CFAP299: variants seen among roughly 807,000 people sequenced by gnomAD.
CFAP299 encodes the protein cilia and flagella associated protein 299.
Under a neutral mutation model 27.0 loss-of-function variants are expected in CFAP299, and 21 were observed. That is an observed-to-expected ratio of 0.78 (90% CI 0.55 to 1.12). The LOEUF is 1.12. CFAP299 is among the 50% of genes most tolerant of loss of function. The pLI is 0.00. For missense variants in CFAP299, 310 were observed against 276.6 expected, an observed-to-expected ratio of 1.12 and a Z score of -0.86; for synonymous variants, 104 against 98.1, an observed-to-expected ratio of 1.06 and a Z score of -0.36.
At chr4:80,773,821 T>C (rs918736273) in intron 3 of CFAP299, among the ~76,000 whole-genome samples, 2 of 151,986 alleles carry the variant, frequency 1.3e-5, no homozygotes, top group African/African-American at 4.8e-5. Context: ...GGTCAAAAGT[T>C]ATAAATTTTT....
intron 3 of CFAP299, among the ~76,000 whole-genome samples, chr4:80,620,248 G>T (rs979558482): frequency 2.0e-5 from 3 of 152,076 alleles, no homozygotes; most frequent in African/African-American, 4.8e-5. Flanking sequence ...GGGTTTCAGG[G>T]TTGCATGTAT....
intron 3 of CFAP299, among the ~76,000 whole-genome samples, chr4:80,789,568 T>G (rs1727435280): frequency 6.6e-6 from 1 of 152,108 alleles, no homozygotes; most frequent in Non-Finnish European, 1.5e-5. Flanking sequence ...TTCAATTACT[T>G]TCACATCTAT....
chr4:80,608,232 C>T (rs1737778080), intron 3 of CFAP299: 2 of 697,048 alleles, frequency 2.9e-6, no homozygotes, highest in South Asian at 4.4e-5. Context: ...TAACTGATTC[C>T]AACAGTACCA....
intron 2 of CFAP299, among the ~76,000 whole-genome samples, chr4:80,453,540 C>T (rs542595610): frequency 1.3e-5 from 2 of 151,848 alleles, no homozygotes; most frequent in African/African-American, 2.4e-5. Context: ...TTCAAATTAT[C>T]CCTTAAAAAT....
chr4:80,644,986 C>G (rs1739925001), intron 3 of CFAP299, among the ~76,000 whole-genome samples: 1 of 152,098 alleles, frequency 6.6e-6, no homozygotes, highest in Non-Finnish European at 1.5e-5. Flanking sequence ...AACCTAGCTT[C>G]TATGATGCAC....
At chr4:80,859,070 G>C (rs186771670) in intron 3 of CFAP299, among the ~76,000 whole-genome samples, 1,793 of 152,132 alleles carry the variant, frequency 0.012, 34 homozygotes, top group African/African-American at 0.039. Context: ...TCACTCAGGA[G>C]TTGCTTTGTG....
chr4:80,452,846 T>G (rs1184592405), intron 2 of CFAP299, among the ~76,000 whole-genome samples: 2 of 152,220 alleles, frequency 1.3e-5, no homozygotes, highest in African/African-American at 4.8e-5. Context: ...GATGTGAATT[T>G]AACTTAAAAC....
chr4:80,928,622 C>T (rs1039795191), intron 4 of CFAP299, among the ~76,000 whole-genome samples: 2 of 151,952 alleles, frequency 1.3e-5, no homozygotes, highest in African/African-American at 4.8e-5. Flanking sequence ...GTTGCCAAGA[C>T]CTTGCAGGAA....
intron 2 of CFAP299, among the ~76,000 whole-genome samples, chr4:80,382,570 C>G (rs185361555): frequency 6.6e-6 from 1 of 151,950 alleles, no homozygotes; most frequent in Non-Finnish European, 1.5e-5. Flanking sequence ...ATGTGGCCAA[C>G]AAGGATATGA....
At chr4:80,379,920 T>A (rs530314170) in intron 2 of CFAP299, among the ~76,000 whole-genome samples, 1 of 152,266 alleles carries the variant, frequency 6.6e-6, no homozygotes, top group African/African-American at 2.4e-5. Context: ...TTAAGCCAAG[T>A]TGCTTGATTG....
At chr4:80,842,057 C>T (rs961683979) in intron 3 of CFAP299, among the ~76,000 whole-genome samples, 1 of 152,068 alleles carries the variant, frequency 6.6e-6, no homozygotes, top group Non-Finnish European at 1.5e-5. Context: ...TACCGCTTCT[C>T]CTCCTTGAGT....
At chr4:80,614,247 G>T (rs1173809712) in intron 3 of CFAP299, among the ~76,000 whole-genome samples, 2 of 152,126 alleles carry the variant, frequency 1.3e-5, no homozygotes. Context: ...CGGCTACTTA[G>T]AATATTTTAA....
chr4:80,439,992 G>C (rs989301494), intron 2 of CFAP299, among the ~76,000 whole-genome samples: 6 of 152,194 alleles, frequency 3.9e-5, no homozygotes, highest in Non-Finnish European at 1.5e-5. Context: ...TAGTTAAGCT[G>C]TCTCTGTAGA....
At chr4:80,562,469 G>A (rs1011627894) in intron 2 of CFAP299, among the ~76,000 whole-genome samples, 29 of 151,448 alleles carry the variant, frequency 1.9e-4, no homozygotes, top group Non-Finnish European at 4.1e-4. Context: ...GTAGTGGCGG[G>A]TGCCCGTAAT....
At chr4:80,678,002 A>G (rs908727759) in intron 3 of CFAP299, among the ~76,000 whole-genome samples, 4 of 152,130 alleles carry the variant, frequency 2.6e-5, no homozygotes, top group African/African-American at 9.6e-5. Flanking sequence ...GGAAATCCCC[A>G]TTTCAGTAAA....
chr4:80,892,832 C>T (rs1279899041), intron 4 of CFAP299, among the ~76,000 whole-genome samples: 1 of 152,002 alleles, frequency 6.6e-6, no homozygotes, highest in African/African-American at 2.4e-5. Context: ...CAAGAATGCT[C>T]ACTCACAGCG....
chr4:80,727,186 A>G (rs1033029644), intron 3 of CFAP299, among the ~76,000 whole-genome samples: 2 of 152,110 alleles, frequency 1.3e-5, no homozygotes, highest in Non-Finnish European at 2.9e-5. Context: ...TCAGCTCACT[A>G]GTAAAATATG....
intron 3 of CFAP299, among the ~76,000 whole-genome samples, chr4:80,678,767 G>A (rs1719639278): frequency 6.6e-6 from 1 of 151,868 alleles, no homozygotes. Flanking sequence ...AAATAAGTAT[G>A]GACTAGAGAA....
At chr4:80,605,178 A>G (rs1737590049) in intron 3 of CFAP299, among the ~76,000 whole-genome samples, 1 of 152,192 alleles carries the variant, frequency 6.6e-6, no homozygotes, top group African/African-American at 2.4e-5. Context: ...TCATGCTGAA[A>G]TAATTTATTC....
Sources: allele counts gnomAD v4.1 joint callset (sites outside exome capture counted in the v4.1 genomes callset), GRCh38; gene constraint gnomAD v4.1.1; transcripts MANE v1.5; gene names NCBI Gene and HGNC (gene_info 2026-07-23, HGNC 2026-07-21).